Variants in SYNC observed in about 807,000 individuals in gnomAD.
SYNC encodes the protein syncoilin, intermediate filament protein, also known as syncoilin.
A neutral mutation model predicts 49.5 loss-of-function variants in SYNC; 38 were observed. That is an observed-to-expected ratio of 0.77 (90% CI 0.59 to 1.01). SYNC has a LOEUF of 1.01. SYNC is among the 50% of genes least tolerant of loss of function. The pLI, the probability that SYNC is intolerant of heterozygous loss-of-function variation, is 0.00. For synonymous variants in SYNC, 201 were observed against 230.8 expected, an observed-to-expected ratio of 0.87 and a Z score of 1.17; for missense variants, 579 against 580.6, an observed-to-expected ratio of 1.00 and a Z score of 0.03.
At chr1:32,682,008 C>T in intron 4 of SYNC, 148 bp from the exon 5 acceptor site, 1 of 675,046 alleles carries the variant, frequency 1.5e-6, no homozygotes, top group Non-Finnish European at 2.6e-6. Context: ...TCCTGTTTGT[C>T]AAATAGAATG....
At position 32,695,647 on chromosome 1, in the gene SYNC, G is replaced by T; in HGVS notation, c.451C>A (p.Pro151Thr). The T allele has an allele frequency of 6.4e-7, 1 of 1,551,526 alleles. No homozygotes were observed. Among genetic ancestry groups the T allele is most frequent in the South Asian group, 1.2e-5 (1 of 84,028 alleles). The change falls in exon 2 of 5, where the codon CCT becomes ACT. Residue 151 changes from proline to threonine, a missense_variant. Coordinates refer to ENST00000409190, the MANE Select transcript of SYNC (RefSeq NM_030786.3). ...TGCTCGGCTCTGAGGCTCTCCTCAGGGTTAGATTTCTCCGCCCTTGTGACT... is the reference window on the plus strand; with the variant it reads ...TGCTCGGCTCTGAGGCTCTCCTCAGTGTTAGATTTCTCCGCCCTTGTGACT... ...ETVTRAEKSN[P>T]EESLRAEQSP...
Position 32,680,249 on chromosome 1 carries a change from C to T in SYNC, c.*1601G>A. On this transcript the variant is annotated 3_prime_UTR_variant, in exon 5 of 5. Transcript: ENST00000409190. Reference sequence around the variant, plus strand: ...TTCAGTTAAGTCAAAACAACACGTTCCTCTTTCCCCATATATTCATATATT... The same window carrying T: ...TTCAGTTAAGTCAAAACAACACGTTTCTCTTTCCCCATATATTCATATATT... The T allele has an allele frequency of 8.5e-7, 1 of 1,179,966 alleles. No individual in the cohort carries two copies. The highest frequency in any genetic ancestry group is 1.0e-6 in the Non-Finnish European group (1 of 953,230). 73.1% of individuals were successfully genotyped at this position (1,179,966 alleles called of 1,614,324 possible).
Position 32,695,984 on chromosome 1 carries a change from T to C in SYNC, c.114A>G (p.Ala38=), listed in dbSNP as rs1650412154. 2 of 1,542,396 alleles carry C rather than the reference T, an allele frequency of 1.3e-6. No individual in the cohort carries two copies. Among genetic ancestry groups the C allele is most frequent in the East Asian group, 2.4e-5 (1 of 40,928 alleles). Residue 38 remains alanine, a synonymous_variant, in exon 2 of 5, where the codon GCA becomes GCG. Coordinates refer to ENST00000409190, the MANE Select transcript of SYNC (RefSeq NM_030786.3). ...GAGTAACTTCTGGGTTCAAGGCTTC[T>C]GCCTCATTTAGGGATCCAGAGTTCT... ...LPKNSGSLNE[A]EALNPEVTLS...
chr1:32,686,755 C>T (rs1472070347), intron 2 of SYNC, among the ~76,000 whole-genome samples: 1 of 152,010 alleles, frequency 6.6e-6, no homozygotes, highest in African/African-American at 2.4e-5. Flanking sequence ...TATTATTAAT[C>T]TCATGTTTCA....
intron 2 of SYNC, 104 bp downstream of exon 2, chr1:32,694,758 TTTC>T (rs1650322705): frequency 8.5e-7 from 1 of 1,173,556 alleles, no homozygotes; most frequent in Non-Finnish European, 1.2e-6. Context: ...AGAACAAATT[TTTC>T]TTCCTACATG....
At chr1:32,699,927 T>G (rs1650602387) in intron 1 of SYNC, among the ~76,000 whole-genome samples, 1 of 151,212 alleles carries the variant, frequency 6.6e-6, no homozygotes, top group South Asian at 2.1e-4. Context: ...AGAGACAGGG[T>G]TTCACCATCT....
In SYNC at chr1:32,695,602, T is replaced by C. The variant is rs1401470435; in HGVS notation, c.496A>G (p.Asn166Asp). 1 of 1,551,464 alleles carries C rather than the reference T, an allele frequency of 6.4e-7. No individual in the cohort carries two copies. The highest frequency in any genetic ancestry group is 8.7e-7 in the Non-Finnish European group (1 of 1,146,956). ...RAEQSPSMEE[N>D]LSIEDLELLE... ...AATTCCAGGTCCTCTATGCTCAGGT[T>C]CTCCTCCATGCTGGGGCTCTGCTCG... The change falls in exon 2 of 5, where the codon AAC becomes GAC. Residue 166 changes from asparagine to aspartate, a missense_variant. Coordinates refer to ENST00000409190, the MANE Select transcript of SYNC (RefSeq NM_030786.3).
chr1:32,689,493 C>A (rs1415518895), intron 2 of SYNC, among the ~76,000 whole-genome samples: 2 of 151,754 alleles, frequency 1.3e-5, no homozygotes, highest in African/African-American at 4.8e-5. Flanking sequence ...CTGCGCCCGG[C>A]CACACATACT....
At chr1:32,701,479 C>G (rs935402182) in intron 1 of SYNC, among the ~76,000 whole-genome samples, 1 of 152,116 alleles carries the variant, frequency 6.6e-6, no homozygotes, top group African/African-American at 2.4e-5. Context: ...AGGCAGAAAC[C>G]AGATGAACTC....
In SYNC at chr1:32,695,235, A is replaced by G; in HGVS notation, c.863T>C (p.Leu288Pro). ...TTRATQLSEE[L>P]AQLRDAYQKQ... Reference sequence around the variant, plus strand: ...CTGATAGGCATCCCGGAGCTGGGCCAGTTCCTCTGAGAGCTGGGTTGCCCT... The same window carrying G: ...CTGATAGGCATCCCGGAGCTGGGCCGGTTCCTCTGAGAGCTGGGTTGCCCT... Residue 288 changes from leucine to proline, a missense_variant, in exon 2 of 5, where the codon CTG becomes CCG. Coordinates refer to ENST00000409190, the MANE Select transcript of SYNC (RefSeq NM_030786.3). 6.4e-7 allele frequency: 1 copy of G among 1,552,498 alleles called. No homozygotes were observed. Among genetic ancestry groups the G allele is most frequent in the East Asian group, 2.4e-5 (1 of 40,902 alleles).
chr1:32,685,018 CTTCT>C (rs1440125069), intron 2 of SYNC: 1 of 151,956 alleles, frequency 6.6e-6, no homozygotes, highest in East Asian at 1.9e-4. Flanking sequence ...ATCCTTTTTT[CTTCT>C]TTATTTTTGT....
chr1:32,680,739 G>T lies in SYNC; in HGVS notation c.*1111C>A. ...TAGAAGAGTCCTTCAGATGACAGTT[G>T]TTGTCCATGGTCTTTGACTATCAAG... On this transcript the variant is annotated 3_prime_UTR_variant, in exon 5 of 5. Transcript: ENST00000409190. The T allele has an allele frequency of 1.8e-6, 1 of 541,276 alleles. No homozygotes were observed. Among genetic ancestry groups the T allele is most frequent in the Non-Finnish European group, 3.3e-6 (1 of 305,700 alleles). The allele number at this position is 541,276 out of a possible 1,614,324, so 33.5% of individuals were successfully genotyped here.
chr1:32,682,504 G>A (rs965361639), intron 4 of SYNC: 2 of 152,232 alleles, frequency 1.3e-5, no homozygotes, highest in Non-Finnish European at 2.9e-5. Flanking sequence ...CAGGCGCGGT[G>A]GTTCACGCCT....
intron 1 of SYNC, among the ~76,000 whole-genome samples, chr1:32,699,153 CTTTTTTTTTT>C (rs61577689): frequency 9.6e-6 from 1 of 104,046 alleles, no homozygotes; most frequent in South Asian, 3.2e-4. Flanking sequence ...CTTTTCTTTT[CTTTTTTTTTT>C]TTTTTTTTGA....
chr1:32,695,918 GT>G lies in SYNC; in HGVS notation c.179del (p.Tyr60SerfsTer108). The G allele has an allele frequency of 6.4e-7, 1 of 1,551,698 alleles. No individual in the cohort carries two copies. Among genetic ancestry groups the G allele is most frequent in the Non-Finnish European group, 8.7e-7 (1 of 1,147,090 alleles). The stretch of plus-strand genomic sequence containing the variant: ...CATCAAGGTCACCTGTGTCCTCCAG[GT>G]AGAGAATGTCTTCGAGGTTTAAGGA... The part of the protein sequence containing the change: ...EGSLNLEDIL[Y>X]LEDTGDLDET... On this transcript the variant is annotated frameshift_variant, in exon 2 of 5. Transcript: ENST00000409190. LOFTEE classifies it high-confidence loss of function.
intron 2 of SYNC, among the ~76,000 whole-genome samples, chr1:32,689,898 G>A (rs189182681): frequency 8.9e-5 from 13 of 145,512 alleles, no homozygotes; most frequent in East Asian, 4.1e-4. Context: ...CCAAGATTGT[G>A]CCACTGCACT....
chr1:32,696,142 T>C, intron 1 of SYNC, 98 bp from the exon 2 acceptor site: 3 of 985,456 alleles, frequency 3.0e-6, no homozygotes, highest in Non-Finnish European at 2.9e-6. Flanking sequence ...CTCAGGTTCT[T>C]AGATGTCAGC....
At chr1:32,687,480 G>A (rs1306616101) in intron 2 of SYNC, among the ~76,000 whole-genome samples, 1 of 151,618 alleles carries the variant, frequency 6.6e-6, no homozygotes, top group Non-Finnish European at 1.5e-5. Flanking sequence ...AAACCATCCC[G>A]GCCAACGTGG....
chr1:32,687,904 C>T (rs530908102), intron 2 of SYNC, among the ~76,000 whole-genome samples: 11 of 140,412 alleles, frequency 7.8e-5, no homozygotes, highest in East Asian at 4.2e-4. Flanking sequence ...GGCTGGAGTG[C>T]GCTGGCACCA....
Sources: allele counts gnomAD v4.1 joint callset (sites outside exome capture counted in the v4.1 genomes callset), GRCh38; gene constraint gnomAD v4.1.1; transcripts MANE v1.5; gene names NCBI Gene and HGNC (gene_info 2026-07-23, HGNC 2026-07-21).